SPTBN1: variants seen among roughly 807,000 people sequenced by gnomAD.
The protein encoded by SPTBN1 is spectrin beta, non-erythrocytic 1.
In SPTBN1, 32 loss-of-function variants were observed where a neutral mutation model predicts 266.4. The ratio of observed to expected loss-of-function variants is 0.12; its 90% confidence interval spans 0.09 to 0.16. The LOEUF is 0.16. Among genes scored for constraint, SPTBN1 ranks in the 10% least tolerant of loss-of-function variants. The probability of loss-of-function intolerance (pLI) is 1.00; values close to 1 mark genes in which losing one functional copy is unlikely to be tolerated. For synonymous variants in SPTBN1, 1,336 were observed against 1,162.2 expected (o/e 1.15, Z -3.04); for missense variants, 2,296 against 3,067.1 (o/e 0.75, Z 5.94).
chr2:54,649,583 C>G lies in SPTBN1; in HGVS notation c.5203-32C>G. 6.3e-7 allele frequency: 1 copy of G among 1,596,440 alleles called. No homozygotes were observed. The stretch of plus-strand genomic sequence containing the variant: ...CAAGAAATACAGAGTTCACAGTGGG[C>G]TCTCTGATTTCCTTACCCATCCCCG... On this transcript the variant is annotated intron_variant, in intron 25 of 35. Transcript: ENST00000356805. This position sits in a 1 kb window ranked among gnomAD's most constrained non-coding sequence, Gnocchi z 6.7.
chr2:54,641,297 T>G lies in SPTBN1; in HGVS notation c.3859-1686T>G, dbSNP rs191746218. On this transcript the variant is annotated intron_variant, in intron 18 of 35. Transcript: ENST00000356805. ...AGCCTCTGATTTTTATGTAGCGCGC[T>G]CTCTCTCTCTCTCTTTTTAATCCCT... Among the ~76,000 whole-genome samples the G allele has an allele frequency of 5.7e-3, 862 of 151,492 alleles. 12 individuals carry two copies. The highest frequency in any genetic ancestry group is 0.02 in the African/African-American group (824 of 41,416).
At chr2:54,642,242 C>T (rs911417150) in intron 18 of SPTBN1, among the ~76,000 whole-genome samples, 1 of 152,214 alleles carries the variant, frequency 6.6e-6, no homozygotes, top group African/African-American at 2.4e-5. Flanking sequence ...AAGAGAGCTC[C>T]TTTCTCAGGT....
At chr2:54,606,135 G>A (rs572895525) in intron 3 of SPTBN1, among the ~76,000 whole-genome samples, 3 of 152,118 alleles carry the variant, frequency 2.0e-5, no homozygotes, top group Non-Finnish European at 4.4e-5. Flanking sequence ...TTTTTCTACC[G>A]CATTCATTTG....
chr2:54,580,455 C>G (rs1137645), intron 2 of SPTBN1, among the ~76,000 whole-genome samples: 51,618 of 152,036 alleles, frequency 0.34, 11,257 homozygotes, highest in African/African-American at 0.63. Context: ...ATAAAGAGCA[C>G]ATTTCTCCAC....
chr2:54,590,973 A>T (rs981521141), intron 2 of SPTBN1, among the ~76,000 whole-genome samples: 1 of 152,228 alleles, frequency 6.6e-6, no homozygotes, highest in African/African-American at 2.4e-5. Flanking sequence ...GAGAGGCCCA[A>T]GGCAGGGGAG....
At chr2:54,487,021 TGTC>T (rs1431929470) in intron 1 of SPTBN1, among the ~76,000 whole-genome samples, 1 of 152,182 alleles carries the variant, frequency 6.6e-6, no homozygotes, top group Admixed American at 6.5e-5. Flanking sequence ...AATATAATAA[TGTC>T]ATCTTATTTT....
intron 18 of SPTBN1, among the ~76,000 whole-genome samples, chr2:54,639,729 G>A (rs1679400597): frequency 6.6e-6 from 1 of 152,232 alleles, no homozygotes. Flanking sequence ...CTCTAAATGA[G>A]CATCCCTGGT....
At chr2:54,555,627 C>T (rs1672821704) in intron 2 of SPTBN1, among the ~76,000 whole-genome samples, 1 of 152,250 alleles carries the variant, frequency 6.6e-6, no homozygotes, top group South Asian at 2.1e-4. Context: ...AGAGTCCAGC[C>T]CACACCCTCT....
chr2:54,637,582 AC>A (rs1487595233), intron 17 of SPTBN1, 130 bp from the exon 18 acceptor site: 3 of 710,828 alleles, frequency 4.2e-6, no homozygotes, highest in Non-Finnish European at 6.9e-6. Flanking sequence ...TGTCTCCTTC[AC>A]ATTATTGAGA....
chr2:54,602,996 C>G (rs986705723), intron 3 of SPTBN1, among the ~76,000 whole-genome samples: 1 of 152,196 alleles, frequency 6.6e-6, no homozygotes, highest in African/African-American at 2.4e-5. Context: ...TTTAAACAAC[C>G]AGCCACAGAA....
At chr2:54,606,902 T>A (rs1676880279) in intron 3 of SPTBN1, among the ~76,000 whole-genome samples, 1 of 152,204 alleles carries the variant, frequency 6.6e-6, no homozygotes, top group Non-Finnish European at 1.5e-5. Context: ...GAATCAGAGT[T>A]ACAGAATTTT....
intron 2 of SPTBN1, among the ~76,000 whole-genome samples, chr2:54,565,861 A>G (rs895662145): frequency 9.2e-5 from 14 of 152,260 alleles, no homozygotes; most frequent in African/African-American, 3.4e-4. Flanking sequence ...GAAAACTTCT[A>G]CATATAAATG....
intron 1 of SPTBN1, among the ~76,000 whole-genome samples, chr2:54,459,347 C>T (rs890951047): frequency 6.6e-6 from 1 of 152,176 alleles, no homozygotes; most frequent in Non-Finnish European, 1.5e-5. Flanking sequence ...AATGAGAAGA[C>T]CTCCCTCTAC....
intron 1 of SPTBN1, among the ~76,000 whole-genome samples, chr2:54,520,655 A>G (rs1002126961): frequency 7.4e-6 from 1 of 135,300 alleles, no homozygotes; most frequent in Non-Finnish European, 1.6e-5. Flanking sequence ...ACCCTACCCC[A>G]TGCCACCCCA....
intron 2 of SPTBN1, among the ~76,000 whole-genome samples, chr2:54,561,289 A>G (rs1381482935): frequency 1.3e-5 from 2 of 152,014 alleles, no homozygotes; most frequent in Non-Finnish European, 2.9e-5. Flanking sequence ...GGACTATACC[A>G]TGTCTGGCTA....
chr2:54,596,573 G>A (rs547835475), intron 2 of SPTBN1, among the ~76,000 whole-genome samples: 8 of 152,312 alleles, frequency 5.3e-5, no homozygotes, highest in South Asian at 2.1e-4. Context: ...TAGACCCTGC[G>A]TGATTTTTCC....
rs965557015 is a variant in SPTBN1 at position 54,631,386 on chromosome 2, C to G, written c.3339C>G (p.Asn1113Lys). Residue 1113 changes from asparagine to lysine, a missense_variant, in exon 16 of 36, where the codon AAC becomes AAG. Around this residue, in one of 12 missense-constraint regions of SPTBN1, gnomAD observed 386 missense variants for 486.1 expected, o/e 0.79. Coordinates refer to ENST00000356805, the MANE Select transcript of SPTBN1 (RefSeq NM_003128.3). The part of the protein sequence containing the change: ...QHENIKNEID[N>K]YEEDYQKMRD... ...AGAACATCAAGAACGAGATCGACAA[C>G]TACGAGGAGGACTACCAGAAGATGA... The G allele has an allele frequency of 1.9e-5, 31 of 1,614,254 alleles. No homozygotes were observed. Among genetic ancestry groups the G allele is most frequent in the Non-Finnish European group, 2.6e-5 (31 of 1,180,048 alleles).
At chr2:54,562,533 C>CTTTTTTTCTTTTTTTTTTTTTTTTTT (rs746897447) in intron 2 of SPTBN1, among the ~76,000 whole-genome samples, 1 of 126,826 alleles carries the variant, frequency 7.9e-6, no homozygotes, top group African/African-American at 3.2e-5. Flanking sequence ...TTTTCTTTTT[C>CTTTTTTTCTTTTTTTTTTTTTTTTTT]TTTTTTTTTT....
At chr2:54,665,795 T>G in intron 33 of SPTBN1, 120 bp from the exon 34 acceptor site, 2 of 1,161,438 alleles carry the variant, frequency 1.7e-6, no homozygotes, top group Non-Finnish European at 1.2e-6. Flanking sequence ...AGGTTGAGGG[T>G]TGGGTGGGGT....
Sources: gnomAD v4.1 joint callset for allele counts (sites outside exome capture counted in the v4.1 genomes callset) on GRCh38, gnomAD v4.1.1 for gene constraint, gnomAD v4.1.1 regional missense constraint, Gnocchi (gnomAD v3.1) non-coding constraint, MANE v1.5 for transcripts, NCBI Gene and HGNC (gene_info 2026-07-23, HGNC 2026-07-21) for gene names.